MDH1: variants seen among roughly 807,000 people sequenced by gnomAD.
The protein encoded by MDH1 is malate dehydrogenase 1, also known as malate dehydrogenase, cytoplasmic.
A neutral mutation model predicts 38.7 loss-of-function variants in MDH1; 15 were observed. The observed-to-expected ratio is 0.39, with a 90% CI of 0.26 to 0.60. The LOEUF is 0.60. MDH1 is among the 20% of genes least tolerant of loss of function. The pLI, the probability that MDH1 is intolerant of heterozygous loss-of-function variation, is 0.56. For missense variants in MDH1, 368 were observed against 405.2 expected, an observed-to-expected ratio of 0.91 and a Z score of 0.79; for synonymous variants, 144 against 143.6, an observed-to-expected ratio of 1.00 and a Z score of -0.02.
intron 4 of MDH1, 146 bp from the exon 5 acceptor site, chr2:63,599,024 C>T: frequency 1.9e-6 from 1 of 523,290 alleles, no homozygotes; most frequent in Non-Finnish European, 3.1e-6. Flanking sequence ...ACTTAAAATG[C>T]ATTTTCCTAT....
At chr2:63,606,616 T>C (rs1373167416) in intron 8 of MDH1, among the ~76,000 whole-genome samples, 4 of 152,178 alleles carry the variant, frequency 2.6e-5, no homozygotes. Flanking sequence ...TTCAGTGTTG[T>C]TGTTCTTTAT....
chr2:63,588,967 C>G lies in MDH1; in HGVS notation c.-77C>G. The G allele has an allele frequency of 6.2e-7, 1 of 1,606,212 alleles. No homozygotes were observed. Among genetic ancestry groups the G allele is most frequent in the South Asian group, 1.1e-5 (1 of 90,826 alleles). On this transcript the variant is annotated 5_prime_UTR_variant, in exon 1 of 9. Transcript: ENST00000233114. The stretch of plus-strand genomic sequence containing the variant: ...CTAACACCGCTCGCCCTCTCCGAGT[C>G]AGTTCCGCGGTAGAGGTGACCTGAC...
At chr2:63,594,214 T>C (rs1323223820) in intron 1 of MDH1, 11 of 545,792 alleles carry the variant, frequency 2.0e-5, no homozygotes, top group Non-Finnish European at 3.6e-5. Flanking sequence ...ATCAACATTG[T>C]TGAGCCTATT....
At chr2:63,596,660 G>A (rs1331645838) in intron 3 of MDH1, among the ~76,000 whole-genome samples, 1 of 152,162 alleles carries the variant, frequency 6.6e-6, no homozygotes, top group Non-Finnish European at 1.5e-5. Context: ...ACTTATGGCA[G>A]CCTTGACTAT....
intron 5 of MDH1, among the ~76,000 whole-genome samples, chr2:63,604,429 ATAAGT>A (rs1280100037): frequency 1.3e-5 from 2 of 152,232 alleles, no homozygotes; most frequent in Admixed American, 6.5e-5. Flanking sequence ...TACTGTACTA[ATAAGT>A]TAACCACAAA....
chr2:63,605,370 G>A lies in MDH1; in HGVS notation c.766G>A (p.Asp256Asn), dbSNP rs116232314. Reference protein sequence around the residue: ...AAKAICDHVRDIWFGTPEGEF... With the variant: ...AAKAICDHVRNIWFGTPEGEF... ...AAAAGCCATCTGTGACCACGTCAGGGACATCTGGTTTGGAACCCCAGAGGT... is the reference window on the plus strand; with the variant it reads ...AAAAGCCATCTGTGACCACGTCAGGAACATCTGGTTTGGAACCCCAGAGGT... Residue 256 changes from aspartate (D) to asparagine (N), a missense_variant, in exon 7 of 9, where the codon GAC (aspartate) becomes AAC (asparagine). Coordinates refer to ENST00000233114, the MANE Select transcript of MDH1 (RefSeq NM_005917.4). 2.4e-4 allele frequency: 391 copies of A among 1,614,088 alleles called. No individual in the cohort carries two copies. The highest frequency in any genetic ancestry group is 3.2e-4 in the Non-Finnish European group (372 of 1,179,932).
intron 2 of MDH1, chr2:63,594,953 C>T (rs945648196): frequency 1.7e-4 from 42 of 250,940 alleles, no homozygotes; most frequent in African/African-American, 9.3e-4. Flanking sequence ...AGGAAATCTG[C>T]TTCCCCGCTG....
At chr2:63,601,330 C>T (rs533898818) in intron 5 of MDH1, among the ~76,000 whole-genome samples, 2 of 152,156 alleles carry the variant, frequency 1.3e-5, no homozygotes, top group African/African-American at 2.4e-5. Context: ...GAGGCCTTAG[C>T]GACTTAGGGA....
intron 5 of MDH1, among the ~76,000 whole-genome samples, chr2:63,601,537 G>C (rs1214257841): frequency 6.6e-6 from 1 of 152,196 alleles, no homozygotes; most frequent in African/African-American, 2.4e-5. Context: ...GAGTGTCTAA[G>C]GGAGCAAAGA....
intron 3 of MDH1, among the ~76,000 whole-genome samples, chr2:63,596,677 A>G (rs537839669): frequency 1.1e-4 from 17 of 152,366 alleles, no homozygotes; most frequent in Admixed American, 8.5e-4. Context: ...CTATGATGCA[A>G]CTAGCCAATT....
intron 3 of MDH1, among the ~76,000 whole-genome samples, chr2:63,596,159 C>G (rs1252145885): frequency 6.6e-6 from 1 of 152,110 alleles, no homozygotes; most frequent in Non-Finnish European, 1.5e-5. Context: ...TTAAAATATT[C>G]TAAATTAATT....
At chr2:63,590,196 T>C (rs1709156511) in intron 1 of MDH1, 1 of 152,328 alleles carries the variant, frequency 6.6e-6, no homozygotes, top group Admixed American at 6.5e-5. Context: ...GAGGTACTTA[T>C]TATCTGATAA....
Position 63,604,761 on chromosome 2 carries a change from C to T in MDH1, c.564C>T (p.Ser188=). 6.2e-7 allele frequency: 1 copy of T among 1,614,100 alleles called. No homozygotes were observed. The highest frequency in any genetic ancestry group is 1.1e-5 in the South Asian group (1 of 91,086). ...ATGTCATTATCTGGGGAAACCATTC[C>T]TCGACTCAGTATCCAGATGTCAACC... ...VKNVIIWGNH[S]STQYPDVNHA... The change falls in exon 6 of 9, where the codon TCC becomes TCT. Residue 188 remains serine (S), a synonymous_variant. Coordinates refer to ENST00000233114, the MANE Select transcript of MDH1 (RefSeq NM_005917.4).
intron 4 of MDH1, 103 bp downstream of exon 4, chr2:63,597,677 C>A: frequency 9.5e-7 from 1 of 1,049,348 alleles, no homozygotes; most frequent in Non-Finnish European, 1.3e-6. Flanking sequence ...TTTTCTAGTT[C>A]TGTACAATCA....
chr2:63,591,272 A>G (rs1288658398), intron 1 of MDH1, among the ~76,000 whole-genome samples: 3 of 152,234 alleles, frequency 2.0e-5, no homozygotes, highest in African/African-American at 7.2e-5. Context: ...CCTGCTTTTC[A>G]ACTGCAATGT....
At position 63,594,796 on chromosome 2, in the gene MDH1, A is replaced by G. The variant is rs1575721007; in HGVS notation, c.102+210A>G. On this transcript the variant is annotated intron_variant, in intron 2 of 8. Transcript: ENST00000233114. ...ACACTTTGCAAATGAGAACTCTTCC[A>G]TATATTGTACTCAGTTGACTTGGTG... The G allele has an allele frequency of 1.1e-5, 5 of 461,262 alleles. No individual in the cohort carries two copies. The East Asian group carries it at 2.0e-4, about 19-fold the overall frequency. The allele number at this position is 461,262 out of a possible 1,614,324, so 28.6% of individuals were successfully genotyped here. A position where few individuals can be genotyped will look rare whatever the true frequency, so the allele number is the denominator to read the frequency against.
At chr2:63,596,518 TGTTG>T (rs1709315050) in intron 3 of MDH1, among the ~76,000 whole-genome samples, 1 of 152,210 alleles carries the variant, frequency 6.6e-6, no homozygotes. Flanking sequence ...CCCAGATTGC[TGTTG>T]GTTTGTCCTC....
In MDH1 at chr2:63,594,594, C is replaced by G; in HGVS notation, c.102+8C>G. The G allele has an allele frequency of 6.3e-7, 1 of 1,575,992 alleles. No individual in the cohort carries two copies. Among genetic ancestry groups the G allele is most frequent in the Non-Finnish European group, 8.7e-7 (1 of 1,146,908 alleles). ...GTCTTTGGTAAAGATCAGGTAGGAACAGGTGTCTATAAATCTTAAGTTATT... is the reference window on the plus strand; with the variant it reads ...GTCTTTGGTAAAGATCAGGTAGGAAGAGGTGTCTATAAATCTTAAGTTATT... On this transcript the variant is annotated splice_region_variant and intron_variant, in intron 2 of 8. Transcript: ENST00000233114.
At chr2:63,593,804 C>CT (rs1330073330) in intron 1 of MDH1, among the ~76,000 whole-genome samples, 2 of 152,042 alleles carry the variant, frequency 1.3e-5, no homozygotes, top group Non-Finnish European at 2.9e-5. Context: ...TCAGCTTAGT[C>CT]TTTTTTTACT....
Sources: gnomAD v4.1 joint callset for allele counts (sites outside exome capture counted in the v4.1 genomes callset) on GRCh38, gnomAD v4.1.1 for gene constraint, MANE v1.5 for transcripts, NCBI Gene and HGNC (gene_info 2026-07-23, HGNC 2026-07-21) for gene names.